DYM: variants seen among roughly 807,000 people sequenced by gnomAD.
The protein encoded by DYM is dymeclin, also known as dyggve-Melchior-Clausen syndrome protein.
DYM carries 78 observed loss-of-function variants against 93.1 expected under a neutral mutation model. The ratio of observed to expected loss-of-function variants is 0.84; its 90% CI spans 0.70 to 1.01. The LOEUF (loss-of-function observed/expected upper bound fraction) is 1.01. Ranked by LOEUF, DYM falls within the 50% of genes least tolerant of loss-of-function variation. The probability of loss-of-function intolerance (pLI) is 0.00; values close to 1 mark genes in which losing one functional copy is unlikely to be tolerated. For synonymous variants in DYM, 321 were observed against 319.7 expected, an observed-to-expected ratio of 1.00 and a Z score of -0.04; for missense variants, 789 against 845.0, an observed-to-expected ratio of 0.93 and a Z score of 0.82.
At chr18:49,135,748 A>AAGTACAT (rs1170644949) in intron 15 of DYM, among the ~76,000 whole-genome samples, 1 of 152,248 alleles carries the variant, frequency 6.6e-6, no homozygotes, top group East Asian at 1.9e-4. Flanking sequence ...GTACATTACA[A>AAGTACAT]TGAAATGCTC....
chr18:49,174,867 G>A (rs2089205980), intron 14 of DYM, among the ~76,000 whole-genome samples: 1 of 152,090 alleles, frequency 6.6e-6, no homozygotes, highest in Non-Finnish European at 1.5e-5. Context: ...GGAAAAGGCT[G>A]AAGAAGAAAG....
chr18:49,412,520 T>C (rs1176912935), intron 2 of DYM, among the ~76,000 whole-genome samples: 6 of 152,090 alleles, frequency 3.9e-5, no homozygotes, highest in Non-Finnish European at 8.8e-5. Flanking sequence ...AAAAATATAA[T>C]AAGATGCCAA....
At chr18:49,255,981 G>A (rs546353603) in intron 13 of DYM, among the ~76,000 whole-genome samples, 1 of 151,222 alleles carries the variant, frequency 6.6e-6, no homozygotes, top group African/African-American at 2.4e-5. Flanking sequence ...CTACTCGGGA[G>A]GCTGAGGCAG....
chr18:49,054,009 G>C (rs74778237), intron 17 of DYM, among the ~76,000 whole-genome samples: 1 of 152,188 alleles, frequency 6.6e-6, no homozygotes, highest in Non-Finnish European at 1.5e-5. Context: ...CTGGGGCCAG[G>C]AGGTTTTACG....
intron 8 of DYM, among the ~76,000 whole-genome samples, chr18:49,293,368 T>C (rs963541511): frequency 2.6e-5 from 4 of 152,162 alleles, no homozygotes; most frequent in African/African-American, 7.2e-5. Flanking sequence ...CGTCAAATGG[T>C]ATTTCTGGTT....
intron 2 of DYM, among the ~76,000 whole-genome samples, chr18:49,423,801 A>T (rs960679314): frequency 2.6e-5 from 4 of 152,244 alleles, no homozygotes; most frequent in African/African-American, 9.6e-5. Context: ...ATCTAGAAGA[A>T]ATGGATAAAT....
At chr18:49,255,653 A>T (rs1229589488) in intron 13 of DYM, among the ~76,000 whole-genome samples, 1 of 149,812 alleles carries the variant, frequency 6.7e-6, no homozygotes, top group Non-Finnish European at 1.5e-5. Context: ...AGCCTGGGTG[A>T]CAGAGTGAGA....
intron 15 of DYM, among the ~76,000 whole-genome samples, chr18:49,139,597 C>G (rs1231366880): frequency 6.6e-6 from 1 of 152,152 alleles, no homozygotes; most frequent in Non-Finnish European, 1.5e-5. Flanking sequence ...AGAATAAGAT[C>G]ATGCTTCAAA....
rs533132119 is a variant in DYM at position 49,086,721 on chromosome 18, G to T, written c.2025+10681C>A. On this transcript the variant is annotated intron_variant, in intron 17 of 17. Transcript: ENST00000675505. ...AAAGAGAGACTGCAGGGCTGGGCGC[G>T]GTGGCTCTGTAATCCCAGCACTTTG... Among the ~76,000 whole-genome samples, 6 of 152,066 alleles carry T rather than the reference G, an allele frequency of 3.9e-5. No individual in the cohort carries two copies. The South Asian group carries it at 1.3e-3, about 32-fold the overall frequency.
At chr18:49,191,960 G>A (rs565390506) in intron 14 of DYM, among the ~76,000 whole-genome samples, 88 of 152,030 alleles carry the variant, frequency 5.8e-4, no homozygotes, top group African/African-American at 1.8e-3. Context: ...TTTTGGAGAC[G>A]GGGTCTCACT....
At chr18:49,255,905 C>A (rs2094384497) in intron 13 of DYM, among the ~76,000 whole-genome samples, 1 of 151,482 alleles carries the variant, frequency 6.6e-6, no homozygotes, top group African/African-American at 2.4e-5. Flanking sequence ...CAGGGTGAAA[C>A]CCCATCTCTA....
At chr18:49,331,777 GT>G in intron 8 of DYM, 86 bp downstream of exon 8, 7 of 1,411,804 alleles carry the variant, frequency 5.0e-6, no homozygotes, top group Non-Finnish European at 6.0e-6. Flanking sequence ...ACTATTAATG[GT>G]GGCAGCCAAG....
chr18:49,107,547 T>C (rs959908430), intron 16 of DYM, among the ~76,000 whole-genome samples: 1 of 152,196 alleles, frequency 6.6e-6, no homozygotes, highest in African/African-American at 2.4e-5. Context: ...TTATCTACCT[T>C]TGGTCTTTGA....
chr18:49,171,359 A>G (rs967802442), intron 14 of DYM, among the ~76,000 whole-genome samples: 2 of 152,130 alleles, frequency 1.3e-5, no homozygotes, highest in African/African-American at 4.8e-5. Flanking sequence ...TTCTCTCTCC[A>G]TGCCTCAGTC....
At chr18:49,388,246 C>G (rs1469854154) in intron 3 of DYM, among the ~76,000 whole-genome samples, 1 of 152,086 alleles carries the variant, frequency 6.6e-6, no homozygotes, top group Non-Finnish European at 1.5e-5. Flanking sequence ...GGTAGGACCT[C>G]TTGAGCCCAG....
chr18:49,409,300 GAAAAAAAAGA>G (rs2071925510), intron 2 of DYM, among the ~76,000 whole-genome samples: 1 of 143,280 alleles, frequency 7.0e-6, no homozygotes, highest in Admixed American at 6.9e-5. Context: ...AAAAAAAAAA[GAAAAAAAAGA>G]AAAAAACTTA....
chr18:49,087,162 G>C (rs1317252685), intron 17 of DYM, among the ~76,000 whole-genome samples: 2 of 152,080 alleles, frequency 1.3e-5, no homozygotes, highest in Non-Finnish European at 2.9e-5. Flanking sequence ...CCAGTCTCCA[G>C]AACTCTGAGA....
intron 8 of DYM, among the ~76,000 whole-genome samples, chr18:49,301,611 G>T (rs544980757): frequency 2.0e-5 from 3 of 152,012 alleles, no homozygotes; most frequent in African/African-American, 7.2e-5. Context: ...AAATAGGAGT[G>T]ATAGGAATGA....
chr18:49,112,115 C>CTCCTCTCCGCACCCCCT (rs2081466136), intron 16 of DYM, among the ~76,000 whole-genome samples: 1 of 152,138 alleles, frequency 6.6e-6, no homozygotes, highest in East Asian at 1.9e-4. Context: ...CTGCACCCGC[C>CTCCTCTCCGCACCCCCT]TCCTCTCCGC....
Sources: gnomAD v4.1 joint callset for allele counts (sites outside exome capture counted in the v4.1 genomes callset) on GRCh38, gnomAD v4.1.1 for gene constraint, MANE v1.5 for transcripts, NCBI Gene and HGNC (gene_info 2026-07-23, HGNC 2026-07-21) for gene names.